The following DEPDC5 variants were observed in gnomAD, a reference collection of about 807,000 sequenced individuals.
DEPDC5 encodes the protein DEP domain containing 5, GATOR1 subcomplex subunit.
A neutral mutation model predicts 217.3 loss-of-function variants in DEPDC5; 73 were observed. That is an observed-to-expected ratio of 0.34 (90% CI 0.28 to 0.41). DEPDC5 has a LOEUF of 0.41. DEPDC5 is among the 10% of genes least tolerant of loss of function. DEPDC5 has a pLI of 1.00. For missense variants in DEPDC5, 1,675 were observed against 2,070.1 expected, an observed-to-expected ratio of 0.81 and a Z score of 3.70; for synonymous variants, 733 against 756.7, an observed-to-expected ratio of 0.97 and a Z score of 0.51.
intron 25 of DEPDC5, 62 bp from the exon 26 acceptor site, chr22:31,836,910 C>T: frequency 9.0e-7 from 1 of 1,117,296 alleles, no homozygotes; most frequent in Non-Finnish European, 1.3e-6. Flanking sequence ...CCTCCCCTGG[C>T]CCCCCATCCC....
chr22:31,811,003 G>A (rs750204570), intron 20 of DEPDC5, among the ~76,000 whole-genome samples: 5 of 152,000 alleles, frequency 3.3e-5, no homozygotes, highest in Non-Finnish European at 7.4e-5. Context: ...TCGAACTCCC[G>A]ACCTCAGGTG....
At chr22:31,896,670 G>A (rs2093558312) in intron 39 of DEPDC5, among the ~76,000 whole-genome samples, 1 of 152,124 alleles carries the variant, frequency 6.6e-6, no homozygotes, top group South Asian at 2.1e-4. Context: ...TGGACAGATA[G>A]GATTTGGGAC....
chr22:31,884,910 C>G (rs2093269402), intron 38 of DEPDC5, among the ~76,000 whole-genome samples: 1 of 152,218 alleles, frequency 6.6e-6, no homozygotes, highest in Non-Finnish European at 1.5e-5. Flanking sequence ...CTTTCCTGCT[C>G]TACATCCAGC....
rs141316017 is a variant in DEPDC5, at chr22:31,850,196, A to G, written c.3155+3229A>G. ...TAAAAATCTGGATTGTATAGATTGTATATGAATTTTTATATTAAAAATATA... is the reference window on the plus strand; with the variant it reads ...TAAAAATCTGGATTGTATAGATTGTGTATGAATTTTTATATTAAAAATATA... On this transcript the variant is annotated intron_variant, in intron 31 of 42. Coordinates refer to ENST00000651528, the MANE Select transcript of DEPDC5 (RefSeq NM_001242896.3). Among the ~76,000 whole-genome samples, 20 of 152,236 alleles carry G rather than the reference A, an allele frequency of 1.3e-4. No individual in the cohort carries two copies. The East Asian group carries it at 3.7e-3, about 28-fold the overall frequency.
chr22:31,905,239 A>G (rs370874950), intron 41 of DEPDC5, among the ~76,000 whole-genome samples: 2 of 150,410 alleles, frequency 1.3e-5, no homozygotes, highest in Admixed American at 6.6e-5. Flanking sequence ...CTGGAGTGCA[A>G]TGGCATGATC....
chr22:31,854,055 ACCTCC>A (rs1390942714), intron 31 of DEPDC5, among the ~76,000 whole-genome samples: 2 of 151,964 alleles, frequency 1.3e-5, no homozygotes, highest in African/African-American at 2.4e-5. Flanking sequence ...ATGTGTCACT[ACCTCC>A]ATGGAGGTGT....
chr22:31,794,769 T>G (rs2086053773), intron 12 of DEPDC5, among the ~76,000 whole-genome samples: 1 of 151,998 alleles, frequency 6.6e-6, no homozygotes, highest in Non-Finnish European at 1.5e-5. Flanking sequence ...GCCTGTAGTT[T>G]CAGCTATTTG....
chr22:31,891,421 C>T (rs1261002358), intron 38 of DEPDC5: 7 of 268,006 alleles, frequency 2.6e-5, no homozygotes, highest in African/African-American at 4.6e-5. Context: ...AATCTCTGCT[C>T]TCATATTCAT....
intron 38 of DEPDC5, among the ~76,000 whole-genome samples, chr22:31,886,831 G>C (rs1221441025): frequency 6.6e-6 from 1 of 151,024 alleles, no homozygotes; most frequent in Non-Finnish European, 1.5e-5. Context: ...AGCACTTTGG[G>C]AGGCCAAGGT....
In DEPDC5 at chr22:31,792,252, C is replaced by T. The variant is rs529578441; in HGVS notation, c.694+150C>T. 17 of 635,430 alleles carry T rather than the reference C, an allele frequency of 2.7e-5. No individual in the cohort carries two copies. In the Admixed American group the frequency reaches 3.0e-4, roughly 11 times the overall value. The allele number at this position is 635,430 out of a possible 1,614,324, so 39.4% of individuals were successfully genotyped here. A position where few individuals can be genotyped will look rare whatever the true frequency, so the allele number is the denominator to read the frequency against. ...GGACAGTGTAAAAGGGAAAGTAGCA[C>T]AGTCCGTTAGTGGATGCAAGAGGTC... On this transcript the variant is annotated intron_variant, in intron 11 of 42. Coordinates refer to ENST00000651528, the MANE Select transcript of DEPDC5 (RefSeq NM_001242896.3).
chr22:31,890,820 G>C (rs569983140), intron 38 of DEPDC5, among the ~76,000 whole-genome samples: 11 of 152,028 alleles, frequency 7.2e-5, no homozygotes, highest in Non-Finnish European at 1.3e-4. Context: ...TTGCCTCCCA[G>C]GTTCAAGCAA....
chr22:31,832,162 T>A (rs1364671197), intron 24 of DEPDC5, among the ~76,000 whole-genome samples: 1 of 152,264 alleles, frequency 6.6e-6, no homozygotes, highest in Non-Finnish European at 1.5e-5. Flanking sequence ...AATTTGTTTA[T>A]CCTTCCCCCA....
Position 31,857,549 on chromosome 22 carries a change from G to T in DEPDC5, c.3260G>T (p.Arg1087Leu). The T allele has an allele frequency of 1.2e-6, 2 of 1,609,858 alleles. No individual in the cohort carries two copies. Among genetic ancestry groups the T allele is most frequent in the Non-Finnish European group, 1.7e-6 (2 of 1,178,118 alleles). The change falls in exon 32 of 43, where the codon CGA (arginine) becomes CTA (leucine). Residue 1087 changes from arginine (R) to leucine (L), a missense_variant. By Grantham distance (102) the Arg-to-Leu change is moderately radical (BLOSUM62 -2). This residue lies in a region of DEPDC5 where 126 missense variants were observed against 113.8 expected (regional missense o/e 1.11). Transcript: ENST00000651528. ...AMTPTYMDSPRKDGAFFMEFV... is the reference protein window; with the variant it reads ...AMTPTYMDSPLKDGAFFMEFV... Reference sequence around the variant, plus strand: ...ACTCCCACCTACATGGACAGCCCACGAAAGGTAAAGGAAGCCGCGGTAGCA... The same window carrying T: ...ACTCCCACCTACATGGACAGCCCACTAAAGGTAAAGGAAGCCGCGGTAGCA...
chr22:31,809,646 A>G lies in DEPDC5; in HGVS notation c.1323A>G (p.Thr441=). The G allele has an allele frequency of 6.2e-7, 1 of 1,613,874 alleles. No homozygotes were observed. Among genetic ancestry groups the G allele is most frequent in the Non-Finnish European group, 8.5e-7 (1 of 1,179,862 alleles). The change falls in exon 19 of 43, where the codon ACA becomes ACG. Residue 441 remains threonine (T), a splice_region_variant and synonymous_variant. Coordinates refer to ENST00000651528, the MANE Select transcript of DEPDC5 (RefSeq NM_001242896.3). ...AGAAAGCAAAAAATGGCCGTGATAC[A>G]TGTGAGTATTTTTTGAGATTTTTTT... The part of the protein sequence containing the change: ...ASEKAKNGRD[T]SLGSPKESEN...
intron 20 of DEPDC5, chr22:31,814,712 A>T: frequency 2.3e-6 from 1 of 437,022 alleles, no homozygotes; most frequent in Non-Finnish European, 4.2e-6. Context: ...TGAGAGATTA[A>T]TCAGTGGGAT....
chr22:31,799,342 CTTT>C (rs111494517), intron 14 of DEPDC5, among the ~76,000 whole-genome samples: 1 of 144,140 alleles, frequency 6.9e-6, no homozygotes. Flanking sequence ...AGCACCTGGC[CTTT>C]TTTTTTTTTA....
At chr22:31,815,359 C>G in intron 21 of DEPDC5, 147 bp downstream of exon 21, 1 of 771,430 alleles carries the variant, frequency 1.3e-6, no homozygotes, top group Non-Finnish European at 2.2e-6. Context: ...ATCACTTTAG[C>G]TGTTAGCTAT....
chr22:31,834,982 A>G (rs1163349035), intron 25 of DEPDC5, among the ~76,000 whole-genome samples: 2 of 152,208 alleles, frequency 1.3e-5, no homozygotes, highest in African/African-American at 4.8e-5. Context: ...TAGCCATAGC[A>G]TATAATGCAG....
chr22:31,774,434 G>C (rs1008775086), intron 7 of DEPDC5, among the ~76,000 whole-genome samples: 1 of 151,842 alleles, frequency 6.6e-6, no homozygotes, highest in African/African-American at 2.4e-5. Flanking sequence ...CCCGACCTCA[G>C]GTAATCTGCC....
Sources: allele counts gnomAD v4.1 joint callset (sites outside exome capture counted in the v4.1 genomes callset), GRCh38; gene constraint gnomAD v4.1.1; regional missense constraint gnomAD v4.1.1; transcripts MANE v1.5; gene names NCBI Gene and HGNC (gene_info 2026-07-23, HGNC 2026-07-21).